RALYL: variants seen among roughly 807,000 people sequenced by gnomAD.
RALYL encodes the protein RALY RNA binding protein like.
RALYL carries 29 observed loss-of-function variants against 35.1 expected under a neutral mutation model. The observed-to-expected ratio is 0.83, with a 90% CI of 0.61 to 1.13. The LOEUF (loss-of-function observed/expected upper bound fraction) is 1.13, where lower values mean the gene tolerates loss of function less well. Ranked by LOEUF, RALYL falls within the 50% of genes most tolerant of loss-of-function variation. The pLI is 0.00. For missense variants in RALYL, 359 were observed against 360.4 expected (o/e 1.00, Z 0.03); for synonymous variants, 120 against 127.6 (o/e 0.94, Z 0.40).
At chr8:84,369,255 G>A (rs778610480) in intron 1 of RALYL, among the ~76,000 whole-genome samples, 2 of 152,012 alleles carry the variant, frequency 1.3e-5, no homozygotes, top group Admixed American at 6.6e-5. Flanking sequence ...ATAAATTCTT[G>A]ACAAGAAAAC....
At chr8:84,714,375 T>C (rs1842646187) in intron 2 of RALYL, among the ~76,000 whole-genome samples, 2 of 151,844 alleles carry the variant, frequency 1.3e-5, no homozygotes, top group South Asian at 2.1e-4. Flanking sequence ...TATCATATGC[T>C]TGAACATTGC....
chr8:84,721,216 AG>A (rs754469374), intron 2 of RALYL, among the ~76,000 whole-genome samples: 1 of 146,840 alleles, frequency 6.8e-6, no homozygotes, highest in South Asian at 2.1e-4. Context: ...AAAAAAAAAA[AG>A]AAAGAAAGAA....
intron 2 of RALYL, among the ~76,000 whole-genome samples, chr8:84,697,040 C>T (rs905238620): frequency 6.6e-6 from 1 of 151,844 alleles, no homozygotes; most frequent in African/African-American, 2.4e-5. Flanking sequence ...GTAATTATAA[C>T]TAAATAGGAA....
At chr8:84,693,542 G>A (rs577642487) in intron 2 of RALYL, among the ~76,000 whole-genome samples, 5 of 151,992 alleles carry the variant, frequency 3.3e-5, no homozygotes, top group African/African-American at 1.2e-4. Flanking sequence ...TTTTGGTGGG[G>A]ACATAGCCAA....
intron 2 of RALYL, among the ~76,000 whole-genome samples, chr8:84,644,009 C>G (rs755497303): frequency 6.6e-6 from 1 of 151,952 alleles, no homozygotes; most frequent in Admixed American, 6.6e-5. Flanking sequence ...TGTTTTAAGG[C>G]TAGCACCTGG....
At chr8:84,193,385 G>A (rs576040376) in intron 1 of RALYL, among the ~76,000 whole-genome samples, 44 of 152,294 alleles carry the variant, frequency 2.9e-4, no homozygotes, top group African/African-American at 1.0e-3. Flanking sequence ...GTGATTAGTA[G>A]TAGCGCAAGG....
chr8:84,827,706 T>G (rs1830013697), intron 4 of RALYL, among the ~76,000 whole-genome samples: 3 of 152,102 alleles, frequency 2.0e-5, no homozygotes, highest in African/African-American at 7.2e-5. Flanking sequence ...AATATCGCAT[T>G]CCACTCAATT....
At chr8:84,329,948 G>A (rs1352114441) in intron 1 of RALYL, among the ~76,000 whole-genome samples, 2 of 151,884 alleles carry the variant, frequency 1.3e-5, no homozygotes, top group African/African-American at 4.8e-5. Context: ...TACTTTAAAA[G>A]CACTACCTTA....
intron 2 of RALYL, among the ~76,000 whole-genome samples, chr8:84,594,803 T>A (rs1295612593): frequency 1.3e-5 from 2 of 152,096 alleles, no homozygotes; most frequent in Non-Finnish European, 2.9e-5. Context: ...TTTCATTAAT[T>A]GGAATATTTT....
intron 3 of RALYL, among the ~76,000 whole-genome samples, 161 bp from the exon 4 acceptor site, chr8:84,804,609 C>A (rs1425989865): frequency 1.3e-5 from 2 of 152,044 alleles, no homozygotes; most frequent in Admixed American, 1.3e-4. Flanking sequence ...TTGAATTAGT[C>A]CAGATTAGGT....
chr8:84,683,185 G>A (rs1474302772), intron 2 of RALYL, among the ~76,000 whole-genome samples: 4 of 152,176 alleles, frequency 2.6e-5, no homozygotes, highest in Non-Finnish European at 5.9e-5. Flanking sequence ...GTTCTAGTTT[G>A]ATTGCACTGT....
chr8:84,802,182 A>C (rs572413340), intron 3 of RALYL, among the ~76,000 whole-genome samples: 14 of 152,324 alleles, frequency 9.2e-5, no homozygotes, highest in African/African-American at 3.1e-4. Context: ...GCTCTGTTTC[A>C]GTAAGCTTTA....
At chr8:84,313,207 A>T (rs976410006) in intron 1 of RALYL, among the ~76,000 whole-genome samples, 4 of 152,176 alleles carry the variant, frequency 2.6e-5, no homozygotes, top group Non-Finnish European at 4.4e-5. Context: ...TCCTCAGGCT[A>T]CACAGAGGAA....
At chr8:84,786,606 C>T (rs975193073) in intron 3 of RALYL, among the ~76,000 whole-genome samples, 3 of 152,074 alleles carry the variant, frequency 2.0e-5, no homozygotes, top group Non-Finnish European at 2.9e-5. Context: ...TCCATGTGTT[C>T]GCTGGCTGCA....
At chr8:84,401,181 C>T (rs1366512320) in intron 1 of RALYL, among the ~76,000 whole-genome samples, 1 of 152,112 alleles carries the variant, frequency 6.6e-6, no homozygotes, top group Non-Finnish European at 1.5e-5. Context: ...CAAGGGTGTC[C>T]ATTATCTGAT....
intron 4 of RALYL, among the ~76,000 whole-genome samples, chr8:84,813,896 C>T (rs1467649925): frequency 4.3e-5 from 5 of 117,134 alleles, no homozygotes; most frequent in Admixed American, 9.9e-5. Context: ...CCTAATGCTA[C>T]CCCTCCCCCC....
chr8:84,645,531 CTTTTT>C (rs1827303247), intron 2 of RALYL, among the ~76,000 whole-genome samples: 1 of 151,758 alleles, frequency 6.6e-6, no homozygotes. Context: ...TCCATGTTTT[CTTTTT>C]TAAGTTTTAT....
chr8:84,275,771 C>A (rs1309451954), intron 1 of RALYL, among the ~76,000 whole-genome samples: 2 of 152,008 alleles, frequency 1.3e-5, no homozygotes, highest in African/African-American at 2.4e-5. Context: ...ATATTTATTT[C>A]TTTTACAAGG....
chr8:84,851,521 T>C (rs2134826185), intron 5 of RALYL, among the ~76,000 whole-genome samples: 1 of 152,346 alleles, frequency 6.6e-6, no homozygotes, highest in South Asian at 2.1e-4. Flanking sequence ...AAGCCTTTAA[T>C]TATGAGTATT....
Sources: gnomAD v4.1 joint callset for allele counts (sites outside exome capture counted in the v4.1 genomes callset) on GRCh38, gnomAD v4.1.1 for gene constraint, MANE v1.5 for transcripts, NCBI Gene and HGNC (gene_info 2026-07-23, HGNC 2026-07-21) for gene names.